The following NIPSNAP1 variants were observed in gnomAD, a reference collection of about 807,000 sequenced individuals.
NIPSNAP1 encodes the protein nipsnap homolog 1.
A neutral mutation model predicts 49.2 loss-of-function variants in NIPSNAP1; 25 were observed. The ratio of observed to expected loss-of-function variants is 0.51; its 90% CI spans 0.37 to 0.71. NIPSNAP1 has a LOEUF of 0.71. Among genes scored for constraint, NIPSNAP1 ranks in the 30% least tolerant of loss-of-function variants. The pLI, the probability that NIPSNAP1 is intolerant of heterozygous loss-of-function variation, is 0.00. For missense variants in NIPSNAP1, 294 were observed against 361.0 expected, an observed-to-expected ratio of 0.81 and a Z score of 1.50; for synonymous variants, 143 against 140.7, an observed-to-expected ratio of 1.02 and a Z score of -0.12.
chr22:29,573,919 A>T (rs1022435426), intron 1 of NIPSNAP1, among the ~76,000 whole-genome samples: 1 of 151,604 alleles, frequency 6.6e-6, no homozygotes, highest in African/African-American at 2.4e-5. Flanking sequence ...AGCCTGGGCA[A>T]CAGAGCAGAC....
At chr22:29,558,979 C>G in intron 8 of NIPSNAP1, 26 bp from the exon 9 acceptor site, 1 of 1,573,062 alleles carries the variant, frequency 6.4e-7, no homozygotes, top group Non-Finnish European at 8.7e-7. Context: ...AGGCTCATTC[C>G]TCAGGCACAG....
At chr22:29,570,333 T>G (rs745602040) in intron 2 of NIPSNAP1, 72 bp downstream of exon 2, 5 of 1,611,976 alleles carry the variant, frequency 3.1e-6, no homozygotes, top group Admixed American at 1.7e-5. Context: ...CCCTCCCATC[T>G]CCTTCCTGGA....
chr22:29,571,311 T>C (rs2064405876), intron 1 of NIPSNAP1, among the ~76,000 whole-genome samples: 1 of 152,194 alleles, frequency 6.6e-6, no homozygotes, highest in African/African-American at 2.4e-5. Context: ...TCCCCAGGAC[T>C]GGTTTGGCAG....
intron 8 of NIPSNAP1, 89 bp downstream of exon 8, chr22:29,560,645 T>G: frequency 1.0e-6 from 1 of 988,046 alleles, no homozygotes; most frequent in Non-Finnish European, 1.6e-6. Flanking sequence ...TTAAGTTCTA[T>G]GAGGACACTA....
At chr22:29,577,933 C>CT (rs2064467019) in intron 1 of NIPSNAP1, among the ~76,000 whole-genome samples, 1 of 135,540 alleles carries the variant, frequency 7.4e-6, no homozygotes. Context: ...GAGTCTTGCT[C>CT]TATCACCCAG....
intron 4 of NIPSNAP1, among the ~76,000 whole-genome samples, chr22:29,565,925 G>T (rs1261588366): frequency 1.3e-5 from 2 of 152,170 alleles, no homozygotes; most frequent in Non-Finnish European, 2.9e-5. Context: ...TCAAAGACAC[G>T]ATTATCAGGG....
intron 9 of NIPSNAP1, among the ~76,000 whole-genome samples, chr22:29,557,761 A>AACTCCTTCAGCAG (rs1244591973): frequency 3.3e-5 from 5 of 152,296 alleles, no homozygotes; most frequent in Admixed American, 3.3e-4. Flanking sequence ...GGCTCCTGCT[A>AACTCCTTCAGCAG]ACTCCTTCAG....
Position 29,555,597 on chromosome 22 carries a change from CAG to C in NIPSNAP1, c.*336_*337del, listed in dbSNP as rs555762565. The C allele has an allele frequency of 2.9e-6, 1 of 340,656 alleles. No homozygotes were observed. The highest frequency in any genetic ancestry group is 2.6e-5 in the South Asian group (1 of 39,206). 21.1% of individuals were successfully genotyped at this position (340,656 alleles called of 1,614,324 possible). A position where few individuals can be genotyped will look rare whatever the true frequency, so the allele number is the denominator to read the frequency against. On this transcript the variant is annotated 3_prime_UTR_variant, in exon 10 of 10. Coordinates refer to ENST00000216121, the MANE Select transcript of NIPSNAP1 (RefSeq NM_003634.4). ...CTACCTTTTGTGCAACTAAGCTAAA[CAG>C]AGGATTTCCAAGGGTGATAACTGGG...
chr22:29,561,188 G>A lies in NIPSNAP1; in HGVS notation c.594C>T (p.Ile198=), dbSNP rs2064332898. 3.1e-6 allele frequency: 5 copies of A among 1,613,366 alleles called. No individual in the cohort carries two copies. The highest frequency in any genetic ancestry group is 3.3e-5 in the Admixed American group (2 of 59,988). Reference sequence around the variant, plus strand: ...CCACTTACCAGTTGTTCCCCCACTCGATCATGGTTCCTGGCTGAAAGAGAA... The same window carrying A: ...CCACTTACCAGTTGTTCCCCCACTCAATCATGGTTCCTGGCTGAAAGAGAA... ...RTYKLKPGTM[I]EWGNNWARAI... is the part of the protein sequence containing the mutation. Residue 198 remains isoleucine, a synonymous_variant, in exon 7 of 10, where the codon ATC becomes ATT. Transcript: ENST00000216121.
intron 1 of NIPSNAP1, among the ~76,000 whole-genome samples, chr22:29,576,973 G>C (rs1413359576): frequency 6.6e-6 from 1 of 151,070 alleles, no homozygotes; most frequent in Non-Finnish European, 1.5e-5. Flanking sequence ...TTCACTCAGG[G>C]ATCAGGGGTC....
chr22:29,555,568 CA>C lies in NIPSNAP1; in HGVS notation c.*366del. On this transcript the variant is annotated 3_prime_UTR_variant, in exon 10 of 10. Coordinates refer to ENST00000216121, the MANE Select transcript of NIPSNAP1 (RefSeq NM_003634.4). ...TCCCACCCCACCTCTAGCCACTGGA[CA>C]TACTACCTTTTGTGCAACTAAGCTA... The C allele has an allele frequency of 3.3e-6, 1 of 302,146 alleles. No individual in the cohort carries two copies. The highest frequency in any genetic ancestry group is 6.6e-6 in the Non-Finnish European group (1 of 150,438). 18.7% of individuals were successfully genotyped at this position (302,146 alleles called of 1,614,324 possible).
At chr22:29,561,085 T>C (rs947204083) in intron 7 of NIPSNAP1, 86 bp downstream of exon 7, 2 of 1,295,510 alleles carry the variant, frequency 1.5e-6, no homozygotes, top group Non-Finnish European at 2.2e-6. Flanking sequence ...GATATGGCCC[T>C]GGAAAAGGTG....
intron 3 of NIPSNAP1, 197 bp downstream of exon 3, chr22:29,569,965 G>C (rs2064395478): frequency 3.3e-6 from 2 of 608,064 alleles, no homozygotes. Flanking sequence ...CTCCAGCCTG[G>C]GCAACGAGAG....
chr22:29,580,879 A>C, intron 1 of NIPSNAP1, 106 bp downstream of exon 1: 3 of 878,028 alleles, frequency 3.4e-6, no homozygotes, highest in South Asian at 1.9e-5. Context: ...TCTAACCCCC[A>C]GATTCCAAGC....
chr22:29,579,289 CTTTTT>C (rs34084606), intron 1 of NIPSNAP1, among the ~76,000 whole-genome samples: 25 of 57,370 alleles, frequency 4.4e-4, no homozygotes, highest in Admixed American at 3.2e-3. Context: ...AATTTTTGTA[CTTTTT>C]TTTTTTTTTT....
intron 3 of NIPSNAP1, among the ~76,000 whole-genome samples, chr22:29,569,689 A>G (rs1601493350): frequency 6.6e-6 from 1 of 151,378 alleles, no homozygotes; most frequent in Admixed American, 6.6e-5. Context: ...AAAAAAAAAA[A>G]AAAGAAAGAA....
At chr22:29,561,959 G>A in intron 4 of NIPSNAP1, 97 bp from the exon 5 acceptor site, 1 of 1,048,594 alleles carries the variant, frequency 9.5e-7, no homozygotes, top group South Asian at 1.3e-5. Context: ...GGGAGGCGGG[G>A]TGGCCTGGTT....
chr22:29,577,069 C>T (rs770760761), intron 1 of NIPSNAP1, among the ~76,000 whole-genome samples: 1 of 150,438 alleles, frequency 6.6e-6, no homozygotes, highest in Non-Finnish European at 1.5e-5. Flanking sequence ...AGCTCAGCTT[C>T]ATCTTTCTTT....
In NIPSNAP1 at chr22:29,576,428, T is replaced by A. The variant is rs144931510; in HGVS notation, c.98+4557A>T. On this transcript the variant is annotated intron_variant, in intron 1 of 9. Coordinates refer to ENST00000216121, the MANE Select transcript of NIPSNAP1 (RefSeq NM_003634.4). ...CTTTTTGGCTTATTATGTGCTTTGTTTATTGTCAGTCTCTAAACTGGAGGC... is the reference window on the plus strand; with the variant it reads ...CTTTTTGGCTTATTATGTGCTTTGTATATTGTCAGTCTCTAAACTGGAGGC... Among the ~76,000 whole-genome samples the A allele has an allele frequency of 1.7e-4, 26 of 151,534 alleles. 2 individuals are homozygous for A. The highest frequency in any genetic ancestry group is 5.9e-4 in the African/African-American group (24 of 40,818).
Sources: gnomAD v4.1 joint callset for allele counts (sites outside exome capture counted in the v4.1 genomes callset) on GRCh38, gnomAD v4.1.1 for gene constraint, MANE v1.5 for transcripts, NCBI Gene and HGNC (gene_info 2026-07-23, HGNC 2026-07-21) for gene names.